SPOCK3: variants seen among roughly 807,000 people sequenced by gnomAD.
SPOCK3 encodes the protein SPARC (osteonectin), cwcv and kazal like domains proteoglycan 3.
Under a neutral mutation model 56.6 loss-of-function variants are expected in SPOCK3, and 30 were observed. The ratio of observed to expected loss-of-function variants is 0.53; its 90% CI spans 0.40 to 0.72. The LOEUF is 0.72. SPOCK3 is among the 30% of genes least tolerant of loss of function. The probability of loss-of-function intolerance (pLI) is 0.00; values close to 1 mark genes in which losing one functional copy is unlikely to be tolerated. For synonymous variants in SPOCK3, 196 were observed against 183.3 expected, an observed-to-expected ratio of 1.07 and a Z score of -0.56; for missense variants, 527 against 530.0, an observed-to-expected ratio of 0.99 and a Z score of 0.06.
chr4:166,876,254 G>C (rs1356951033), intron 6 of SPOCK3, among the ~76,000 whole-genome samples: 1 of 152,122 alleles, frequency 6.6e-6, no homozygotes, highest in Non-Finnish European at 1.5e-5. Flanking sequence ...AGACTTGTGG[G>C]AACACTGTGA....
intron 2 of SPOCK3, among the ~76,000 whole-genome samples, chr4:167,173,614 T>C (rs35993203): frequency 0.039 from 5,998 of 152,222 alleles, 156 homozygotes; most frequent in Middle Eastern, 0.075. Context: ...CTCTCCCCAG[T>C]CATTTCTTTA....
At chr4:166,891,143 G>A (rs139057875) in intron 5 of SPOCK3, among the ~76,000 whole-genome samples, 2 of 151,848 alleles carry the variant, frequency 1.3e-5, no homozygotes, top group African/African-American at 4.8e-5. Flanking sequence ...TTGAGCCTAT[G>A]TGTGCTCCAT....
At chr4:167,028,217 T>A (rs1751898414) in intron 3 of SPOCK3, among the ~76,000 whole-genome samples, 1 of 140,878 alleles carries the variant, frequency 7.1e-6, no homozygotes, top group Admixed American at 6.9e-5. Context: ...CAAGACCCTG[T>A]CTTTACATTT....
chr4:166,899,402 C>T (rs971801273), intron 5 of SPOCK3, among the ~76,000 whole-genome samples: 18 of 151,846 alleles, frequency 1.2e-4, no homozygotes, highest in African/African-American at 4.4e-4. Context: ...AAGTCCAAAG[C>T]CTCTATCTCC....
chr4:167,037,210 G>A (rs1009609162), intron 3 of SPOCK3, among the ~76,000 whole-genome samples: 7 of 152,114 alleles, frequency 4.6e-5, no homozygotes, highest in African/African-American at 9.7e-5. Context: ...GGGGCCAGGC[G>A]CGGTGGCTCA....
intron 2 of SPOCK3, among the ~76,000 whole-genome samples, chr4:167,180,626 T>A (rs764446166): frequency 6.6e-6 from 1 of 152,212 alleles, no homozygotes; most frequent in South Asian, 2.1e-4. Flanking sequence ...TTGCAGCATT[T>A]ATATTTTAGA....
intron 4 of SPOCK3, among the ~76,000 whole-genome samples, chr4:166,942,034 TA>T (rs199853811): frequency 6.6e-6 from 1 of 151,198 alleles, no homozygotes; most frequent in African/African-American, 2.4e-5. Flanking sequence ...TATACAGAAA[TA>T]AAAAAAACTG....
intron 2 of SPOCK3, among the ~76,000 whole-genome samples, chr4:167,152,128 A>G (rs749165236): frequency 7.9e-5 from 12 of 152,256 alleles, no homozygotes; most frequent in Non-Finnish European, 1.5e-4. Context: ...AGATACAAAT[A>G]TAAGTAGCTT....
At chr4:166,894,582 G>A (rs17520609) in intron 5 of SPOCK3, among the ~76,000 whole-genome samples, 51,617 of 152,020 alleles carry the variant, frequency 0.34, 10,857 homozygotes, top group Non-Finnish European at 0.48. Flanking sequence ...TTGAATTTAA[G>A]CTAACTAAGC....
At chr4:166,885,237 T>C (rs1161538538) in intron 6 of SPOCK3, among the ~76,000 whole-genome samples, 1 of 150,314 alleles carries the variant, frequency 6.7e-6, no homozygotes, top group African/African-American at 2.5e-5. Flanking sequence ...CTTCATCTAG[T>C]ATCCTTGCTG....
chr4:166,910,444 C>T (rs62354111), intron 5 of SPOCK3, among the ~76,000 whole-genome samples: 1 of 152,012 alleles, frequency 6.6e-6, no homozygotes, highest in African/African-American at 2.4e-5. Flanking sequence ...GTGTGCCTCA[C>T]GCCCAAGGAG....
chr4:166,851,511 A>C (rs1295271185), intron 6 of SPOCK3, among the ~76,000 whole-genome samples: 2 of 152,254 alleles, frequency 1.3e-5, no homozygotes, highest in East Asian at 1.9e-4. Flanking sequence ...CAGATGATCA[A>C]ATTACTCCGA....
rs1746375809 is a variant in SPOCK3 at position 166,979,772 on chromosome 4, A to T, written c.350+20577T>A. ...CAATCTCTCCTTAAATGTTCTCATC[A>T]ATTTCCATGAGTTTTAATATTATTG... On this transcript the variant is annotated intron_variant, in intron 4 of 10. Coordinates refer to ENST00000357545, the MANE Select transcript of SPOCK3 (RefSeq NM_001040159.2). 3.9e-5 allele frequency among the ~76,000 whole-genome samples: 6 copies of T among 152,286 alleles called. No homozygotes were observed. The South Asian group carries it at 1.2e-3, about 32-fold the overall frequency.
intron 3 of SPOCK3, among the ~76,000 whole-genome samples, chr4:167,057,115 G>C (rs1754978519): frequency 6.6e-6 from 1 of 152,206 alleles, no homozygotes; most frequent in Non-Finnish European, 1.5e-5. Context: ...AGCCAGAAGA[G>C]AGTGGGGGCC....
chr4:166,746,120 C>T (rs902767053), intron 8 of SPOCK3, among the ~76,000 whole-genome samples: 6 of 152,192 alleles, frequency 3.9e-5, no homozygotes, highest in Admixed American at 2.0e-4. Flanking sequence ...TTGAACTCAG[C>T]TCTGCACCAA....
At chr4:166,832,059 C>A (rs1328820180) in intron 6 of SPOCK3, among the ~76,000 whole-genome samples, 1 of 151,950 alleles carries the variant, frequency 6.6e-6, no homozygotes, top group Non-Finnish European at 1.5e-5. Context: ...TTGATAGTGT[C>A]TTTTGCTGTG....
chr4:167,113,467 A>G (rs1394959207), intron 2 of SPOCK3, among the ~76,000 whole-genome samples: 1 of 152,004 alleles, frequency 6.6e-6, no homozygotes, highest in Non-Finnish European at 1.5e-5. Context: ...TCAGCAAAAA[A>G]CTATCCCAGC....
At chr4:166,821,775 G>A (rs1015423459) in intron 6 of SPOCK3, among the ~76,000 whole-genome samples, 6 of 152,024 alleles carry the variant, frequency 3.9e-5, no homozygotes, top group African/African-American at 1.4e-4. Context: ...AAATAAGCAT[G>A]AGGTTTCTTT....
chr4:167,143,197 G>C (rs147754681), intron 2 of SPOCK3, among the ~76,000 whole-genome samples: 1 of 151,824 alleles, frequency 6.6e-6, no homozygotes, highest in South Asian at 2.1e-4. Context: ...CAAATACATC[G>C]GTTCTGTCCA....
Sources: gnomAD v4.1 joint callset for allele counts (sites outside exome capture counted in the v4.1 genomes callset) on GRCh38, gnomAD v4.1.1 for gene constraint, MANE v1.5 for transcripts, NCBI Gene and HGNC (gene_info 2026-07-23, HGNC 2026-07-21) for gene names.